The following HDAC4 variants were observed in gnomAD, a reference collection of about 807,000 sequenced individuals.
HDAC4 encodes histone deacetylase A.
Under a neutral mutation model 135.1 loss-of-function variants are expected in HDAC4, and 16 were observed. The ratio of observed to expected loss-of-function variants is 0.12; its 90% confidence interval spans 0.08 to 0.18. HDAC4 has a LOEUF of 0.18. HDAC4 is among the 10% of genes least tolerant of loss of function. HDAC4 has a pLI of 1.00. For missense variants in HDAC4, 1,143 were observed against 1,511.8 expected, an observed-to-expected ratio of 0.76 and a Z score of 4.05; for synonymous variants, 685 against 653.4, an observed-to-expected ratio of 1.05 and a Z score of -0.74.
intron 18 of HDAC4, chr2:239,089,746 G>GTT (rs2036325630): frequency 3.7e-6 from 1 of 270,406 alleles, no homozygotes; most frequent in African/African-American, 2.9e-5. Flanking sequence ...TTTTTTTTAA[G>GTT]AGTATAAATT....
intron 3 of HDAC4, among the ~76,000 whole-genome samples, chr2:239,215,840 A>T (rs2046604294): frequency 6.6e-6 from 1 of 152,192 alleles, no homozygotes; most frequent in African/African-American, 2.4e-5. Flanking sequence ...ATCTTGGTTC[A>T]TAAAAAATCA....
At chr2:239,322,632 C>A (rs74555552) in intron 2 of HDAC4, among the ~76,000 whole-genome samples, 2,549 of 152,310 alleles carry the variant, frequency 0.017, 39 homozygotes, top group East Asian at 0.081. Flanking sequence ...CACCAGTAGA[C>A]CCCAGTGCTT....
At chr2:239,220,663 C>G (rs1483663821) in intron 3 of HDAC4, among the ~76,000 whole-genome samples, 1 of 152,182 alleles carries the variant, frequency 6.6e-6, no homozygotes, top group Admixed American at 6.5e-5. Flanking sequence ...ACGTATCCGG[C>G]TACCACAATG....
chr2:239,049,456 AATATATTC>A lies in HDAC4; in HGVS notation c.*3633_*3640del, dbSNP rs906003079. ...CCTCCAGGTGTAGGAAACTTAAAAA[AATATATTC>A]ATATATATTTATATCTATATATTTA... On this transcript the variant is annotated 3_prime_UTR_variant, in exon 27 of 27. Coordinates refer to ENST00000543185, the MANE Select transcript of HDAC4 (RefSeq NM_001378414.1). 2 of 151,924 alleles carry A rather than the reference AATATATTC, an allele frequency of 1.3e-5. No homozygotes were observed. Among genetic ancestry groups the A allele is most frequent in the African/African-American group, 4.8e-5 (2 of 41,384 alleles). 9.4% of individuals were successfully genotyped at this position (151,924 alleles called of 1,614,324 possible).
rs574971686 is a variant in HDAC4 at position 239,242,099 on chromosome 2, AAGG to A, written c.23-5438_23-5436del. Among the ~76,000 whole-genome samples the A allele has an allele frequency of 1.4e-3, 215 of 151,842 alleles. 1 individual carries two copies. The highest frequency in any genetic ancestry group is 3.4e-3 in the Middle Eastern group (1 of 294). The stretch of plus-strand genomic sequence containing the variant: ...AAGAGAAGGAAGGAAGGAAGGAAGG[AAGG>A]AGAAAAAAAGAAAGAAAGAAAGAAG... On this transcript the variant is annotated intron_variant, in intron 2 of 26. Coordinates refer to ENST00000543185, the MANE Select transcript of HDAC4 (RefSeq NM_001378414.1).
intron 24 of HDAC4, among the ~76,000 whole-genome samples, chr2:239,061,277 A>G (rs2032676510): frequency 6.7e-6 from 1 of 149,240 alleles, no homozygotes; most frequent in South Asian, 2.1e-4. Context: ...TGCAGATGTG[A>G]GACTGGTGCT....
In HDAC4 at chr2:239,102,806, G is replaced by T; in HGVS notation, c.2203C>A (p.Arg735=). 1 of 1,613,922 alleles carries T rather than the reference G, an allele frequency of 6.2e-7. No homozygotes were observed. The highest frequency in any genetic ancestry group is 8.5e-7 in the Non-Finnish European group (1 of 1,180,014). Reference sequence around the variant, plus strand: ...AGTTTCTTACTGTCCAGTTTCTGCCGGTTGAGGGGGTTCGTGCCATACAGG... The same window carrying T: ...AGTTTCTTACTGTCCAGTTTCTGCCTGTTGAGGGGGTTCGTGCCATACAGG... ...TLLYGTNPLN[R]QKLDSKKLLG... is the part of the protein sequence containing the mutation. Residue 735 remains arginine, a synonymous_variant, in exon 16 of 27, where the codon CGG becomes AGG. Coordinates refer to ENST00000543185, the MANE Select transcript of HDAC4 (RefSeq NM_001378414.1).
At chr2:239,126,124 G>A (rs933688672) in intron 12 of HDAC4, among the ~76,000 whole-genome samples, 1 of 152,264 alleles carries the variant, frequency 6.6e-6, no homozygotes, top group African/African-American at 2.4e-5. Context: ...TGCACCACAG[G>A]CAGGACGTGG....
At chr2:239,270,152 A>G (rs1370773214) in intron 2 of HDAC4, among the ~76,000 whole-genome samples, 1 of 152,206 alleles carries the variant, frequency 6.6e-6, no homozygotes, top group African/African-American at 2.4e-5. Context: ...AAGGACCCAG[A>G]GTCCTGGAGG....
chr2:239,148,100 A>G (rs926172641), intron 7 of HDAC4, among the ~76,000 whole-genome samples: 2 of 152,238 alleles, frequency 1.3e-5, no homozygotes, highest in African/African-American at 2.4e-5. Flanking sequence ...CCATTGATGT[A>G]GCATCAGAGA....
At chr2:239,222,865 G>A (rs922797972) in intron 3 of HDAC4, among the ~76,000 whole-genome samples, 1 of 152,164 alleles carries the variant, frequency 6.6e-6, no homozygotes, top group Non-Finnish European at 1.5e-5. Flanking sequence ...GACGGGAGAT[G>A]CAGCCAGTAA....
At chr2:239,249,790 AC>A (rs2048680337) in intron 2 of HDAC4, among the ~76,000 whole-genome samples, 1 of 145,730 alleles carries the variant, frequency 6.9e-6, no homozygotes, top group Non-Finnish European at 1.5e-5. Context: ...AAAAAAAAAA[AC>A]AAGGAGCTGA....
rs113720729 is a variant in HDAC4 at position 239,231,661 on chromosome 2, C to T, written c.94+4932G>A. Among the ~76,000 whole-genome samples the T allele has an allele frequency of 9.9e-3, 443 of 44,822 alleles. 22 individuals carry two copies. Among genetic ancestry groups the T allele is most frequent in the African/African-American group, 0.019 (251 of 13,532 alleles). 29.4% of individuals were successfully genotyped at this position (44,822 alleles called of 152,430 possible). A position where few individuals can be genotyped will look rare whatever the true frequency, so the allele number is the denominator to read the frequency against. On this transcript the variant is annotated intron_variant, in intron 3 of 26. Transcript: ENST00000543185. ...CTCCCCGAAGCACCCCTCTCCTCAA[C>T]CGAGGCTGCTGAGCACCTGCTCCCG...
rs1365950144 is a variant in HDAC4 at position 239,349,760 on chromosome 2, G to T, written c.22+2918C>A. On this transcript the variant is annotated intron_variant, in intron 2 of 26. Transcript: ENST00000543185. The surrounding 1 kb of genome is among the most constrained non-coding windows in gnomAD (Gnocchi z 5.7). ...GCAGACACGGCAGGGAAAGATGACAGCGGACAGGGCAGAGGAGGCAGCCAG... is the reference window on the plus strand; with the variant it reads ...GCAGACACGGCAGGGAAAGATGACATCGGACAGGGCAGAGGAGGCAGCCAG... Among the ~76,000 whole-genome samples, 1 of 152,234 alleles carries T rather than the reference G, an allele frequency of 6.6e-6. No individual in the cohort carries two copies. Among genetic ancestry groups the T allele is most frequent in the Non-Finnish European group, 1.5e-5 (1 of 68,042 alleles).
At chr2:239,231,309 C>A (rs1309568700) in intron 3 of HDAC4, among the ~76,000 whole-genome samples, 3 of 152,296 alleles carry the variant, frequency 2.0e-5, no homozygotes, top group African/African-American at 7.2e-5. Context: ...CCCCTTTTGG[C>A]CGATGGAAGG....
rs1012825990 is a variant in HDAC4, at chr2:239,139,419, G to C, written c.978+265C>G. Among the ~76,000 whole-genome samples, 1 of 152,134 alleles carries C rather than the reference G, an allele frequency of 6.6e-6. No individual in the cohort carries two copies. Among genetic ancestry groups the C allele is most frequent in the Non-Finnish European group, 1.5e-5 (1 of 68,030 alleles). On this transcript the variant is annotated intron_variant, in intron 9 of 26. Coordinates refer to ENST00000543185, the MANE Select transcript of HDAC4 (RefSeq NM_001378414.1). This position sits in a 1 kb window ranked among gnomAD's most constrained non-coding sequence, Gnocchi z 5.3. ...TCTAGTGACATCTGCTCTGGAAGAG[G>C]TCAGGAGAAAGGACCAGGCTCAGGG...
intron 2 of HDAC4, among the ~76,000 whole-genome samples, chr2:239,337,391 G>A (rs189415834): frequency 9.9e-5 from 15 of 152,196 alleles, no homozygotes; most frequent in Admixed American, 3.3e-4. Flanking sequence ...GCCACACATC[G>A]CACCAATACA....
intron 2 of HDAC4, among the ~76,000 whole-genome samples, chr2:239,312,219 G>GCCAC (rs1247298633): frequency 6.6e-6 from 1 of 152,194 alleles, no homozygotes; most frequent in Non-Finnish European, 1.5e-5. Flanking sequence ...AGGCCAGCCA[G>GCCAC]CCACCCACGC....
intron 2 of HDAC4, among the ~76,000 whole-genome samples, chr2:239,272,438 T>C (rs1377300195): frequency 6.6e-6 from 1 of 152,210 alleles, no homozygotes. Flanking sequence ...GTATCTAGAA[T>C]ATAAAGGGCC....
Sources: gnomAD v4.1 joint callset for allele counts (sites outside exome capture counted in the v4.1 genomes callset) on GRCh38, gnomAD v4.1.1 for gene constraint, Gnocchi (gnomAD v3.1) non-coding constraint, MANE v1.5 for transcripts, NCBI Gene and HGNC (gene_info 2026-07-23, HGNC 2026-07-21) for gene names.